INPP4B: variants seen among roughly 807,000 people sequenced by gnomAD.
INPP4B encodes the protein inositol polyphosphate-4-phosphatase type II B.
INPP4B carries 55 observed loss-of-function variants against 122.5 expected under a neutral mutation model. The ratio of observed to expected loss-of-function variants is 0.45; its 90% CI spans 0.36 to 0.56. The LOEUF is 0.56. Ranked by LOEUF, INPP4B falls within the 20% of genes least tolerant of loss-of-function variation. The pLI is 0.00. For synonymous variants in INPP4B, 403 were observed against 388.7 expected (o/e 1.04, Z -0.43); for missense variants, 1,000 against 1,097.7 (o/e 0.91, Z 1.26).
chr4:142,454,054 T>C (rs1358320982), intron 3 of INPP4B, among the ~76,000 whole-genome samples: 4 of 152,040 alleles, frequency 2.6e-5, no homozygotes, highest in Non-Finnish European at 5.9e-5. Context: ...AGCTCAAATT[T>C]TGTGTAAAAG....
intron 7 of INPP4B, among the ~76,000 whole-genome samples, chr4:142,384,960 A>C (rs79051573): frequency 6.6e-6 from 1 of 152,174 alleles, no homozygotes; most frequent in East Asian, 1.9e-4. Flanking sequence ...GCATGGCTGC[A>C]TAATATTCCA....
At position 142,058,648 on chromosome 4, in the gene INPP4B, AC is replaced by A. The variant is rs150766813; in HGVS notation, c.2642+23382del. Among the ~76,000 whole-genome samples, 1,136 of 152,282 alleles carry A rather than the reference AC, an allele frequency of 7.5e-3. 10 individuals carry two copies. The highest frequency in any genetic ancestry group is 0.013 in the Non-Finnish European group (852 of 68,006). On this transcript the variant is annotated intron_variant, in intron 25 of 25. Coordinates refer to ENST00000262992, the MANE Select transcript of INPP4B (RefSeq NM_001101669.3). The stretch of plus-strand genomic sequence containing the variant: ...TGGGAAGGGTTCAAGACTTTTAAAA[AC>A]AAAATAGGAAACTAAAAATTCTACT...
intron 1 of INPP4B, among the ~76,000 whole-genome samples, chr4:142,836,081 C>A (rs1226928059): frequency 2.0e-5 from 3 of 152,108 alleles, no homozygotes; most frequent in African/African-American, 7.2e-5. Context: ...CCCCAAAAAT[C>A]AAATCTTTAG....
intron 14 of INPP4B, among the ~76,000 whole-genome samples, chr4:142,203,921 C>A (rs548738995): frequency 6.6e-6 from 1 of 152,022 alleles, no homozygotes; most frequent in African/African-American, 2.4e-5. Flanking sequence ...GCATTATTAC[C>A]TTGCAATAAT....
At chr4:142,706,339 G>A (rs559268486) in intron 2 of INPP4B, among the ~76,000 whole-genome samples, 1 of 152,284 alleles carries the variant, frequency 6.6e-6, no homozygotes, top group African/African-American at 2.4e-5. Flanking sequence ...GGATATGTAT[G>A]TTGTTTACCT....
chr4:142,395,270 A>C (rs768559580), intron 7 of INPP4B, among the ~76,000 whole-genome samples: 24 of 152,358 alleles, frequency 1.6e-4, no homozygotes, highest in Admixed American at 1.3e-4. Flanking sequence ...GGCAGAAATG[A>C]AAATGCAAAT....
At chr4:142,097,595 T>C (rs894961887) in intron 23 of INPP4B, among the ~76,000 whole-genome samples, 2 of 152,116 alleles carry the variant, frequency 1.3e-5, no homozygotes, top group South Asian at 4.1e-4. Context: ...TGCCCTATAG[T>C]AGCCAAGTTG....
chr4:142,520,448 C>T (rs1338320614), intron 2 of INPP4B, among the ~76,000 whole-genome samples: 1 of 151,868 alleles, frequency 6.6e-6, no homozygotes, highest in Non-Finnish European at 1.5e-5. Context: ...TTGCTTCTGA[C>T]ATTAACTTGG....
At chr4:142,044,068 T>C (rs971471062) in intron 25 of INPP4B, among the ~76,000 whole-genome samples, 1 of 129,934 alleles carries the variant, frequency 7.7e-6, no homozygotes, top group Non-Finnish European at 1.7e-5. Flanking sequence ...AATTAAGATT[T>C]TAGATAGAAG....
At chr4:142,323,443 C>CTTT (rs144904107) in intron 7 of INPP4B, among the ~76,000 whole-genome samples, 90 of 120,032 alleles carry the variant, frequency 7.5e-4, no homozygotes, top group African/African-American at 1.7e-3. Flanking sequence ...GTTATGATGA[C>CTTT]TTTTTTTTTT....
intron 14 of INPP4B, among the ~76,000 whole-genome samples, chr4:142,196,698 T>C (rs1035069440): frequency 2.6e-5 from 4 of 152,122 alleles, no homozygotes; most frequent in Non-Finnish European, 5.9e-5. Context: ...GGCTGGTCGG[T>C]TACTCTATCT....
At chr4:142,772,800 T>G (rs918208093) in intron 1 of INPP4B, among the ~76,000 whole-genome samples, 2 of 152,008 alleles carry the variant, frequency 1.3e-5, no homozygotes, top group African/African-American at 2.4e-5. Context: ...ATCCTAGCAC[T>G]TTGGGAGGCC....
intron 2 of INPP4B, among the ~76,000 whole-genome samples, chr4:142,626,859 C>T (rs1043396799): frequency 2.6e-5 from 4 of 151,992 alleles, no homozygotes; most frequent in Admixed American, 6.6e-5. Context: ...GTGTTTGATG[C>T]TGTAAGGTAT....
intron 10 of INPP4B, among the ~76,000 whole-genome samples, chr4:142,260,873 A>G (rs1480809197): frequency 1.3e-5 from 2 of 152,228 alleles, no homozygotes; most frequent in Non-Finnish European, 2.9e-5. Flanking sequence ...ATCATATTTG[A>G]CAAGCTGAAT....
chr4:142,184,882 T>C (rs2152989545), intron 15 of INPP4B, among the ~76,000 whole-genome samples: 1 of 152,228 alleles, frequency 6.6e-6, no homozygotes, highest in Admixed American at 6.5e-5. Context: ...CCAGAACACA[T>C]GTATATATTA....
chr4:142,642,612 G>C (rs1270819769), intron 2 of INPP4B, among the ~76,000 whole-genome samples: 1 of 152,130 alleles, frequency 6.6e-6, no homozygotes, highest in Non-Finnish European at 1.5e-5. Flanking sequence ...ACTTTGTTCT[G>C]TTCCATTGGT....
chr4:142,611,644 T>TC (rs1742558983), intron 2 of INPP4B, among the ~76,000 whole-genome samples: 1 of 130,170 alleles, frequency 7.7e-6, no homozygotes, highest in Admixed American at 7.7e-5. Context: ...TTTCTTTTTT[T>TC]TTTTTTTTTT....
intron 23 of INPP4B, among the ~76,000 whole-genome samples, chr4:142,099,345 A>C (rs1473483953): frequency 6.6e-6 from 1 of 152,176 alleles, no homozygotes; most frequent in African/African-American, 2.4e-5. Context: ...ATATATGAAG[A>C]ATTCCTCAGC....
chr4:142,736,664 G>A (rs2150901089), intron 1 of INPP4B, among the ~76,000 whole-genome samples: 1 of 152,300 alleles, frequency 6.6e-6, no homozygotes, highest in Non-Finnish European at 1.5e-5. Context: ...CTGAGACTTT[G>A]CTGAAGTTGC....
Sources: allele counts gnomAD v4.1 joint callset (sites outside exome capture counted in the v4.1 genomes callset), GRCh38; gene constraint gnomAD v4.1.1; transcripts MANE v1.5; gene names NCBI Gene and HGNC (gene_info 2026-07-23, HGNC 2026-07-21).